PCBP3: variants seen among roughly 807,000 people sequenced by gnomAD.
PCBP3 encodes the protein poly(rC) binding protein 3, also known as poly(rC)-binding protein 3.
In PCBP3, 25 loss-of-function variants were observed where a neutral mutation model predicts 52.7. That is an observed-to-expected ratio of 0.47 (90% CI 0.35 to 0.66). The LOEUF (loss-of-function observed/expected upper bound fraction) is 0.66, where lower values mean the gene tolerates loss of function less well. PCBP3 is among the 30% of genes least tolerant of loss of function. The probability of loss-of-function intolerance (pLI) is 0.01; values close to 1 mark genes in which losing one functional copy is unlikely to be tolerated. For missense variants in PCBP3, 391 were observed against 490.3 expected (o/e 0.80, Z 1.91); for synonymous variants, 162 against 183.0 (o/e 0.89, Z 0.93).
At chr21:45,882,662 T>G (rs545954272) in intron 5 of PCBP3, among the ~76,000 whole-genome samples, 3 of 152,370 alleles carry the variant, frequency 2.0e-5, no homozygotes, top group Admixed American at 2.0e-4. Context: ...TTGCAGATCT[T>G]ACATTTAAGT....
chr21:45,901,165 C>A, intron 9 of PCBP3, 52 bp downstream of exon 9: 1 of 1,307,194 alleles, frequency 7.6e-7, no homozygotes, highest in Non-Finnish European at 1.1e-6. Context: ...AGGCCTGGTC[C>A]CAGCTGGCTC....
At position 45,656,348 on chromosome 21, in the gene PCBP3, A is replaced by G. The variant is rs992589955; in HGVS notation, c.-279+12480A>G. Among the ~76,000 whole-genome samples the G allele has an allele frequency of 2.0e-5, 3 of 152,240 alleles. No homozygotes were observed. Among genetic ancestry groups the G allele is most frequent in the Non-Finnish European group, 4.4e-5 (3 of 68,040 alleles). On this transcript the variant is annotated intron_variant, in intron 1 of 17. Coordinates refer to ENST00000681687, the MANE Select transcript of PCBP3 (RefSeq NM_001384156.1). This position sits in a 1 kb window ranked among gnomAD's most constrained non-coding sequence, Gnocchi z 4.3. ...ATGAGTTCATATCCTTTGCAGGGAC[A>G]TGGATGAAGCTGGAAACCATCATTC... is the stretch of plus-strand genomic sequence containing the variant.
intron 4 of PCBP3, among the ~76,000 whole-genome samples, chr21:45,816,808 C>T (rs1350085065): frequency 6.6e-6 from 1 of 150,606 alleles, no homozygotes; most frequent in East Asian, 2.0e-4. Flanking sequence ...ATAGTAAATA[C>T]ACAAACCAGT....
intron 5 of PCBP3, among the ~76,000 whole-genome samples, chr21:45,862,840 C>T (rs916022390): frequency 2.0e-5 from 3 of 152,206 alleles, no homozygotes; most frequent in East Asian, 1.9e-4. Flanking sequence ...TTCCCATTAC[C>T]GCCCCTGAGT....
chr21:45,743,727 G>A lies in PCBP3; in HGVS notation c.-162+8298G>A, dbSNP rs114652142. 4.2e-3 allele frequency among the ~76,000 whole-genome samples: 640 copies of A among 152,262 alleles called. 8 individuals carry two copies. Among genetic ancestry groups the A allele is most frequent in the African/African-American group, 0.015 (613 of 41,546 alleles). On this transcript the variant is annotated intron_variant, in intron 3 of 17. Coordinates refer to ENST00000681687, the MANE Select transcript of PCBP3 (RefSeq NM_001384156.1). ...GATTAGGGTTACTGTTAGGGTTATC[G>A]TGAGGGTTATGGCTAGGGTGATAGT...
chr21:45,743,891 A>G (rs1270907660), intron 3 of PCBP3, among the ~76,000 whole-genome samples: 1 of 152,098 alleles, frequency 6.6e-6, no homozygotes, highest in Non-Finnish European at 1.5e-5. Flanking sequence ...CTGTTTAGAA[A>G]TGCAAATGTT....
intron 5 of PCBP3, among the ~76,000 whole-genome samples, chr21:45,885,600 G>A (rs983847717): frequency 2.0e-5 from 3 of 152,020 alleles, no homozygotes; most frequent in African/African-American, 7.3e-5. Flanking sequence ...CCCTCTTGTT[G>A]GGACGGGGTA....
rs1181276911 is a variant in PCBP3 at position 45,800,766 on chromosome 21, C to T, written c.-126+45314C>T. 6.6e-6 allele frequency among the ~76,000 whole-genome samples: 1 copy of T among 152,232 alleles called. No individual in the cohort carries two copies. The highest frequency in any genetic ancestry group is 2.4e-5 in the African/African-American group (1 of 41,464). ...ACAGCCCGGGAGGGAGGATGTCTTT[C>T]CCTGACCTCGTTTGTGTGGCCCTGG... On this transcript the variant is annotated intron_variant, in intron 4 of 17. Transcript: ENST00000681687. The surrounding 1 kb of genome is among the most constrained non-coding windows in gnomAD (Gnocchi z 5.3).
intron 5 of PCBP3, among the ~76,000 whole-genome samples, chr21:45,892,645 G>A (rs2095707222): frequency 6.6e-6 from 1 of 152,220 alleles, no homozygotes; most frequent in Non-Finnish European, 1.5e-5. Context: ...CTGCAGCTGA[G>A]GCTGGCACTG....
intron 6 of PCBP3, among the ~76,000 whole-genome samples, chr21:45,898,653 ACACCG>A (rs1569467729): frequency 3.8e-5 from 3 of 78,228 alleles, no homozygotes; most frequent in Non-Finnish European, 5.0e-5. Flanking sequence ...GCCCCTCTGC[ACACCG>A]TCCTCACAGC....
At chr21:45,714,471 A>G (rs529064468) in intron 2 of PCBP3, among the ~76,000 whole-genome samples, 32 of 152,310 alleles carry the variant, frequency 2.1e-4, no homozygotes, top group African/African-American at 6.3e-4. Context: ...CAGAGTCACA[A>G]TGATGAAGCT....
intron 13 of PCBP3, among the ~76,000 whole-genome samples, chr21:45,926,045 C>A (rs546559858): frequency 3.3e-5 from 5 of 152,232 alleles, no homozygotes; most frequent in African/African-American, 1.2e-4. Context: ...TAAAGCACAT[C>A]TCATCATCTT....
intron 11 of PCBP3, among the ~76,000 whole-genome samples, chr21:45,912,028 A>T (rs1395735791): frequency 6.6e-6 from 1 of 152,174 alleles, no homozygotes; most frequent in Non-Finnish European, 1.5e-5. Flanking sequence ...CAGTTCTAGG[A>T]GGGACATCCC....
At chr21:45,822,384 A>G (rs1323556824) in intron 4 of PCBP3, among the ~76,000 whole-genome samples, 1 of 152,210 alleles carries the variant, frequency 6.6e-6, no homozygotes, top group African/African-American at 2.4e-5. Flanking sequence ...CACATCCCCC[A>G]AGAAGCTATA....
chr21:45,652,753 T>C (rs1041345792), intron 1 of PCBP3, among the ~76,000 whole-genome samples: 2 of 152,154 alleles, frequency 1.3e-5, no homozygotes, highest in Non-Finnish European at 2.9e-5. Context: ...TGATGACTAA[T>C]ATTTTGTTTG....
chr21:45,694,276 A>G (rs1481955922), intron 2 of PCBP3, among the ~76,000 whole-genome samples: 3 of 152,298 alleles, frequency 2.0e-5, no homozygotes, highest in South Asian at 2.1e-4. Context: ...AAACACTCCA[A>G]TTAAAATTCT....
chr21:45,931,886 G>A (rs182522201), intron 15 of PCBP3, among the ~76,000 whole-genome samples: 3 of 150,636 alleles, frequency 2.0e-5, no homozygotes, highest in Admixed American at 2.0e-4. Flanking sequence ...TGAACACATC[G>A]GCCATGCTGT....
intron 5 of PCBP3, among the ~76,000 whole-genome samples, chr21:45,868,058 C>T (rs1328869157): frequency 5.3e-5 from 8 of 152,280 alleles, no homozygotes; most frequent in Admixed American, 2.0e-4. Flanking sequence ...GCAGTGGGCC[C>T]GTCCGGAATT....
At chr21:45,819,187 G>A (rs2093053745) in intron 4 of PCBP3, among the ~76,000 whole-genome samples, 4 of 152,192 alleles carry the variant, frequency 2.6e-5, no homozygotes, top group Admixed American at 2.6e-4. Context: ...ACATGGGTTT[G>A]GTTGTGACTC....
Sources: allele counts gnomAD v4.1 joint callset (sites outside exome capture counted in the v4.1 genomes callset), GRCh38; gene constraint gnomAD v4.1.1; non-coding constraint Gnocchi (gnomAD v3.1); transcripts MANE v1.5; gene names NCBI Gene and HGNC (gene_info 2026-07-23, HGNC 2026-07-21).